Variants in EDIL3 observed in about 807,000 individuals in gnomAD.
The protein encoded by EDIL3 is EGF-like repeat and discoidin I-like domain-containing protein 3.
EDIL3 carries 37 observed loss-of-function variants against 67.4 expected under a neutral mutation model. That is an observed-to-expected ratio of 0.55 (90% CI 0.42 to 0.72). EDIL3 has a LOEUF of 0.72. EDIL3 is among the 30% of genes least tolerant of loss of function. The probability of loss-of-function intolerance (pLI) is 0.00; values close to 1 mark genes in which losing one functional copy is unlikely to be tolerated. For missense variants in EDIL3, 527 were observed against 586.3 expected, an observed-to-expected ratio of 0.90 and a Z score of 1.04; for synonymous variants, 195 against 196.3, an observed-to-expected ratio of 0.99 and a Z score of 0.05.
intron 1 of EDIL3, among the ~76,000 whole-genome samples, chr5:84,276,843 A>T (rs1745592752): frequency 6.6e-6 from 1 of 152,122 alleles, no homozygotes; most frequent in African/African-American, 2.4e-5. Flanking sequence ...AAGTGCTGGG[A>T]TTACAGGCTT....
chr5:84,376,643 G>A (rs1229134420), intron 1 of EDIL3, among the ~76,000 whole-genome samples: 1 of 152,186 alleles, frequency 6.6e-6, no homozygotes, highest in Non-Finnish European at 1.5e-5. Context: ...AGCTTTTAAA[G>A]TTCCTGAAAC....
intron 1 of EDIL3, among the ~76,000 whole-genome samples, chr5:84,379,825 T>C (rs1426881185): frequency 1.3e-5 from 2 of 152,010 alleles, no homozygotes; most frequent in Admixed American, 1.3e-4. Context: ...TCGTAAAGAG[T>C]AGAAAGTTAC....
intron 1 of EDIL3, among the ~76,000 whole-genome samples, chr5:84,263,912 T>A (rs1216748095): frequency 1.3e-5 from 2 of 152,106 alleles, no homozygotes; most frequent in African/African-American, 4.8e-5. Flanking sequence ...AGGAGGAAGA[T>A]GTACCAGGAA....
At chr5:84,043,500 T>C (rs774238826) in intron 9 of EDIL3, among the ~76,000 whole-genome samples, 2 of 152,216 alleles carry the variant, frequency 1.3e-5, no homozygotes, top group Non-Finnish European at 2.9e-5. Context: ...ATGTTGTATA[T>C]ATTGTGCTGT....
intron 4 of EDIL3, among the ~76,000 whole-genome samples, chr5:84,143,969 A>G (rs1748248944): frequency 6.6e-6 from 1 of 152,046 alleles, no homozygotes; most frequent in Non-Finnish European, 1.5e-5. Context: ...TGCTTGGGGC[A>G]GGTGCTCCAG....
intron 6 of EDIL3, among the ~76,000 whole-genome samples, chr5:84,075,038 T>C (rs1205885051): frequency 6.6e-6 from 1 of 152,194 alleles, no homozygotes; most frequent in Admixed American, 6.5e-5. Context: ...GATGAGCTCA[T>C]GTTCTTTGTA....
chr5:83,972,148 T>C (rs971202268), intron 9 of EDIL3, among the ~76,000 whole-genome samples: 1 of 152,142 alleles, frequency 6.6e-6, no homozygotes, highest in African/African-American at 2.4e-5. Context: ...TTTCATATTT[T>C]AGGATTAAGT....
intron 1 of EDIL3, among the ~76,000 whole-genome samples, chr5:84,312,563 A>T (rs1746427091): frequency 8.1e-6 from 1 of 123,978 alleles, no homozygotes; most frequent in Admixed American, 8.3e-5. Context: ...CGGGGGGCTG[A>T]CTCCCCCACC....
chr5:84,244,444 AT>A (rs527421932), intron 2 of EDIL3, among the ~76,000 whole-genome samples: 3,177 of 131,582 alleles, frequency 0.024, 62 homozygotes, highest in African/African-American at 0.07. Flanking sequence ...ACACCTGGCT[AT>A]TTTTTTTTTT....
rs910658098 is a variant in EDIL3 at position 83,963,244 on chromosome 5, G to C, written c.1254C>G (p.His418Gln). 8 of 1,610,034 alleles carry C rather than the reference G, an allele frequency of 5.0e-6. No homozygotes were observed. The highest frequency in any genetic ancestry group is 6.8e-6 in the Non-Finnish European group (8 of 1,177,572). The change falls in exon 10 of 11, where the codon CAC becomes CAG. Residue 418 changes from histidine (H) to glutamine (Q), a missense_variant. Coordinates refer to ENST00000296591, the MANE Select transcript of EDIL3 (RefSeq NM_005711.5). The stretch of plus-strand genomic sequence containing the variant: ...GCTTTTCATCCTGGTATACAGTCCA[G>C]TGTTCTCCATCATTGCTGTAAGCCA... ...YKLAYSNDGE[H>Q]WTVYQDEKQR... is the part of the protein sequence containing the mutation.
intron 1 of EDIL3, among the ~76,000 whole-genome samples, chr5:84,359,208 C>T (rs1427431750): frequency 6.6e-5 from 10 of 152,122 alleles, no homozygotes; most frequent in African/African-American, 9.7e-5. Context: ...CATTACCACA[C>T]GTATCTGCCT....
intron 10 of EDIL3, among the ~76,000 whole-genome samples, chr5:83,944,368 T>C (rs1266964504): frequency 6.6e-6 from 1 of 151,600 alleles, no homozygotes; most frequent in Admixed American, 6.6e-5. Flanking sequence ...ATTGCACGTC[T>C]ATTCTTCTTT....
Position 84,300,603 on chromosome 5 carries a change from G to C in EDIL3, c.68-46391C>G, listed in dbSNP as rs1746138684. 1.3e-5 allele frequency among the ~76,000 whole-genome samples: 2 copies of C among 152,054 alleles called. 1 individual carries two copies. The highest frequency in any genetic ancestry group is 4.1e-4 in the South Asian group (2 of 4,826). ...TTCCTAAGTCAAACATCTATAATAA[G>C]TAATCAACTATGATGATACAGAAAG... On this transcript the variant is annotated intron_variant, in intron 1 of 10. Transcript: ENST00000296591.
chr5:84,012,750 T>G (rs1745538362), intron 9 of EDIL3, among the ~76,000 whole-genome samples: 1 of 152,086 alleles, frequency 6.6e-6, no homozygotes, highest in Admixed American at 6.6e-5. Context: ...AGACATTTAT[T>G]AATTATAATC....
intron 9 of EDIL3, among the ~76,000 whole-genome samples, chr5:84,044,891 A>C (rs1200720938): frequency 6.6e-6 from 1 of 152,196 alleles, no homozygotes; most frequent in Non-Finnish European, 1.5e-5. Context: ...TTCAGGGGGC[A>C]GGCCAGAGCT....
At chr5:84,067,194 T>G (rs1481976122) in intron 6 of EDIL3, among the ~76,000 whole-genome samples, 2 of 152,174 alleles carry the variant, frequency 1.3e-5, no homozygotes, top group African/African-American at 4.8e-5. Flanking sequence ...AATGATTGCT[T>G]TTTTCTTCAT....
chr5:83,969,409 T>C (rs1744752650), intron 9 of EDIL3, among the ~76,000 whole-genome samples: 2 of 151,844 alleles, frequency 1.3e-5, no homozygotes, highest in Admixed American at 6.6e-5. Context: ...AAAAGGCCTT[T>C]TAAACATAAA....
intron 9 of EDIL3, among the ~76,000 whole-genome samples, chr5:84,004,147 C>T (rs945827073): frequency 1.3e-5 from 2 of 152,118 alleles, no homozygotes; most frequent in African/African-American, 4.8e-5. Flanking sequence ...TATACAGGCA[C>T]ATAACACTGG....
chr5:84,024,386 C>T (rs1745775660), intron 9 of EDIL3, among the ~76,000 whole-genome samples: 2 of 152,030 alleles, frequency 1.3e-5, no homozygotes, highest in African/African-American at 2.4e-5. Flanking sequence ...TTGCTCTTTC[C>T]TTCTGTCTAG....
Sources: gnomAD v4.1 joint callset for allele counts (sites outside exome capture counted in the v4.1 genomes callset) on GRCh38, gnomAD v4.1.1 for gene constraint, MANE v1.5 for transcripts, NCBI Gene and HGNC (gene_info 2026-07-23, HGNC 2026-07-21) for gene names.